The following TRAPPC8 variants were observed in gnomAD, a reference collection of about 807,000 sequenced individuals.
TRAPPC8 encodes the protein trafficking protein particle complex subunit 8.
A neutral mutation model predicts 174.3 loss-of-function variants in TRAPPC8; 54 were observed. The ratio of observed to expected loss-of-function variants is 0.31; its 90% CI spans 0.25 to 0.39. The LOEUF is 0.39. Among genes scored for constraint, TRAPPC8 ranks in the 10% least tolerant of loss-of-function variants. The pLI, the probability that TRAPPC8 is intolerant of heterozygous loss-of-function variation, is 1.00. For missense variants in TRAPPC8, 1,531 were observed against 1,699.1 expected (o/e 0.90, Z 1.74); for synonymous variants, 630 against 579.9 (o/e 1.09, Z -1.24).
At chr18:31,941,777 C>CA (rs1394179673) in intron 1 of TRAPPC8, among the ~76,000 whole-genome samples, 5 of 151,452 alleles carry the variant, frequency 3.3e-5, no homozygotes, top group Admixed American at 6.6e-5. Flanking sequence ...CCGACCTTAA[C>CA]AAAAAAAACT....
chr18:31,874,607 C>A lies in TRAPPC8; in HGVS notation c.1826G>T (p.Arg609Leu). The stretch of plus-strand genomic sequence containing the variant: ...CAGCTGTCTAAGAGTATAGGACTGG[C>A]GCCCAATAGTGAAATTAATGTGATC... ...AEDHINFTIG[R>L]QSYTLRQLDN... The change falls in exon 13 of 29, where the codon CGC becomes CTC. Residue 609 changes from arginine (R) to leucine (L), a missense_variant. Physicochemically the swap from Arg to Leu is moderately radical, Grantham distance 102 (BLOSUM62 -2). Coordinates refer to ENST00000283351, the MANE Select transcript of TRAPPC8 (RefSeq NM_014939.5). 1 of 1,614,072 alleles carries A rather than the reference C, an allele frequency of 6.2e-7. No individual in the cohort carries two copies. Among genetic ancestry groups the A allele is most frequent in the Non-Finnish European group, 8.5e-7 (1 of 1,179,994 alleles).
At chr18:31,907,928 GATTA>G (rs1161846412) in intron 8 of TRAPPC8, among the ~76,000 whole-genome samples, 1 of 152,064 alleles carries the variant, frequency 6.6e-6, no homozygotes, top group African/African-American at 2.4e-5. Flanking sequence ...ATCCAAAATG[GATTA>G]ATTATATTTT....
At position 31,907,504 on chromosome 18, in the gene TRAPPC8, C is replaced by T. The variant is rs2036714331; in HGVS notation, c.1345G>A (p.Asp449Asn). The T allele has an allele frequency of 6.2e-7, 1 of 1,601,638 alleles. No individual in the cohort carries two copies. Among genetic ancestry groups the T allele is most frequent in the African/African-American group, 1.3e-5 (1 of 74,724 alleles). The change falls in exon 9 of 29, where the codon GAT becomes AAT. Residue 449 changes from aspartate (D) to asparagine (N), a missense_variant. By Grantham distance (23) the Asp-to-Asn change is conservative. Coordinates refer to ENST00000283351, the MANE Select transcript of TRAPPC8 (RefSeq NM_014939.5). Reference protein sequence around the residue: ...AYSCYHTAKKDFLNDQAMLYA... With the variant: ...AYSCYHTAKKNFLNDQAMLYA... ...AGCATTGCTTGATCATTAAGAAAATCTTTCTTTGCAGTATGATAGCAACTG... is the reference window on the plus strand; with the variant it reads ...AGCATTGCTTGATCATTAAGAAAATTTTTCTTTGCAGTATGATAGCAACTG...
intron 20 of TRAPPC8, among the ~76,000 whole-genome samples, chr18:31,856,408 T>G (rs946869954): frequency 6.6e-6 from 1 of 152,144 alleles, no homozygotes; most frequent in African/African-American, 2.4e-5. Context: ...ATTCACCATC[T>G]TCATCAGCCA....
At chr18:31,834,088 GGTT>G (rs35486513) in intron 27 of TRAPPC8, among the ~76,000 whole-genome samples, 80 of 149,024 alleles carry the variant, frequency 5.4e-4, no homozygotes, top group South Asian at 1.3e-3. Flanking sequence ...ATCACATTTT[GGTT>G]GTTGTTGTTG....
chr18:31,838,511 T>A (rs559435042), intron 27 of TRAPPC8, among the ~76,000 whole-genome samples: 1 of 152,296 alleles, frequency 6.6e-6, no homozygotes, highest in Admixed American at 6.5e-5. Flanking sequence ...GAACAGATAC[T>A]CCCTGATCCC....
chr18:31,942,543 C>T (rs2038392621), intron 1 of TRAPPC8, 65 bp downstream of exon 1: 5 of 1,460,684 alleles, frequency 3.4e-6, no homozygotes, highest in Non-Finnish European at 4.6e-6. Context: ...CCTGCCCGCC[C>T]GCAACTTCCT....
At chr18:31,913,581 T>TA in intron 4 of TRAPPC8, 59 bp from the exon 5 acceptor site, 3 of 1,358,254 alleles carry the variant, frequency 2.2e-6, no homozygotes, top group South Asian at 1.5e-5. Flanking sequence ...TAGGCAATAA[T>TA]AGAGACTAAA....
chr18:31,865,687 G>A (rs1350843893), intron 18 of TRAPPC8, among the ~76,000 whole-genome samples: 1 of 151,666 alleles, frequency 6.6e-6, no homozygotes, highest in Non-Finnish European at 1.5e-5. Flanking sequence ...CCATAAATTT[G>A]TGTACTAGAT....
chr18:31,890,078 G>C (rs534141167), intron 12 of TRAPPC8, among the ~76,000 whole-genome samples: 75 of 152,278 alleles, frequency 4.9e-4, no homozygotes, highest in African/African-American at 1.8e-3. Flanking sequence ...TGAATGTTCA[G>C]CTCCTAGTAT....
intron 9 of TRAPPC8, 32 bp from the exon 10 acceptor site, chr18:31,901,057 A>G (rs1555674209): frequency 6.5e-7 from 1 of 1,549,594 alleles, no homozygotes; most frequent in South Asian, 1.2e-5. Flanking sequence ...ACATATTTCA[A>G]AAGAAGAAAC....
At chr18:31,866,999 T>A (rs2034617760) in intron 17 of TRAPPC8, 24 bp from the exon 18 acceptor site, 4 of 1,609,910 alleles carry the variant, frequency 2.5e-6, no homozygotes, top group Non-Finnish European at 3.4e-6. Context: ...TAAGTCAGTC[T>A]TATTATGTTT....
chr18:31,938,441 C>T (rs1007180323), intron 1 of TRAPPC8, among the ~76,000 whole-genome samples: 8 of 151,996 alleles, frequency 5.3e-5, no homozygotes, highest in Non-Finnish European at 8.8e-5. Flanking sequence ...AATGGCTCTC[C>T]GTTGTGTAAT....
chr18:31,872,771 G>A (rs2034936190), intron 14 of TRAPPC8, among the ~76,000 whole-genome samples: 1 of 151,856 alleles, frequency 6.6e-6, no homozygotes, highest in South Asian at 2.1e-4. Flanking sequence ...TATATCAAGT[G>A]GATGTTAAAA....
chr18:31,913,806 A>C (rs1477000014), intron 4 of TRAPPC8, among the ~76,000 whole-genome samples: 1 of 152,156 alleles, frequency 6.6e-6, no homozygotes, highest in African/African-American at 2.4e-5. Flanking sequence ...ATTCTGCAAG[A>C]CACTCCTCTA....
At chr18:31,879,891 T>C (rs2035332245) in intron 12 of TRAPPC8, among the ~76,000 whole-genome samples, 1 of 149,998 alleles carries the variant, frequency 6.7e-6, no homozygotes, top group South Asian at 2.1e-4. Flanking sequence ...CCCAGAATCA[T>C]ACAATCTCCC....
At chr18:31,904,562 C>A (rs887896245) in intron 9 of TRAPPC8, among the ~76,000 whole-genome samples, 1 of 152,156 alleles carries the variant, frequency 6.6e-6, no homozygotes, top group African/African-American at 2.4e-5. Flanking sequence ...GATTTGAGAA[C>A]TGAAATATGA....
rs1385286529 is a variant in TRAPPC8, at chr18:31,890,780, T to A, written c.1683A>T (p.Ala561=). The A allele has an allele frequency of 1.2e-6, 2 of 1,612,594 alleles. No individual in the cohort carries two copies. Among genetic ancestry groups the A allele is most frequent in the Non-Finnish European group, 8.5e-7 (1 of 1,179,102 alleles). Residue 561 remains alanine, a synonymous_variant, in exon 12 of 29, where the codon GCA becomes GCT. Coordinates refer to ENST00000283351, the MANE Select transcript of TRAPPC8 (RefSeq NM_014939.5). ...NMKSPMVRKY[A]FHMILAGHRF... Reference sequence around the variant, plus strand: ...GATGGCCTGCCAATATCATATGAAATGCATATTTTCTAACCATGGGACTTT... The same window carrying A: ...GATGGCCTGCCAATATCATATGAAAAGCATATTTTCTAACCATGGGACTTT...
At chr18:31,874,940 C>G (rs1401076334) in intron 12 of TRAPPC8, among the ~76,000 whole-genome samples, 1 of 151,840 alleles carries the variant, frequency 6.6e-6, no homozygotes, top group Non-Finnish European at 1.5e-5. Context: ...GAGTAGGGTA[C>G]CTAAAGGAAG....
Sources: allele counts gnomAD v4.1 joint callset (sites outside exome capture counted in the v4.1 genomes callset), GRCh38; gene constraint gnomAD v4.1.1; transcripts MANE v1.5; gene names NCBI Gene and HGNC (gene_info 2026-07-23, HGNC 2026-07-21).